The following PIP5K1C variants were observed in gnomAD, a reference collection of about 807,000 sequenced individuals.
PIP5K1C encodes the protein phosphatidylinositol 4-phosphate 5-kinase type-1 gamma.
A neutral mutation model predicts 80.1 loss-of-function variants in PIP5K1C; 45 were observed. That is an observed-to-expected ratio of 0.56 (90% CI 0.44 to 0.72). PIP5K1C has a LOEUF of 0.72. Ranked by LOEUF, PIP5K1C falls within the 30% of genes least tolerant of loss-of-function variation. PIP5K1C has a pLI of 0.00. For synonymous variants in PIP5K1C, 498 were observed against 420.1 expected (o/e 1.19, Z -2.27); for missense variants, 753 against 954.6 (o/e 0.79, Z 2.78).
At chr19:3,683,882 CTCCCCCACACTGGAGCCCCTGCTTCCCCT>C (rs2035668642) in intron 1 of PIP5K1C, among the ~76,000 whole-genome samples, 1 of 148,814 alleles carries the variant, frequency 6.7e-6, no homozygotes, top group Non-Finnish European at 1.5e-5. Context: ...AGTCCCACAC[CTCCCCCACACTGGAGCCCCTGCTTCCCCT>C]CCCGGGCAGT....
intron 14 of PIP5K1C, 142 bp downstream of exon 14, chr19:3,642,765 C>G: frequency 1.3e-6 from 1 of 749,010 alleles, no homozygotes; most frequent in Non-Finnish European, 2.4e-6. Flanking sequence ...GTGTGCGGTG[C>G]TAGGGCCGAG....
chr19:3,676,613 C>G (rs1180528117), intron 1 of PIP5K1C, among the ~76,000 whole-genome samples: 1 of 152,224 alleles, frequency 6.6e-6, no homozygotes, highest in Non-Finnish European at 1.5e-5. Context: ...CAGCTGCCAC[C>G]TAATTCATGA....
intron 6 of PIP5K1C, 146 bp from the exon 7 acceptor site, chr19:3,653,735 T>C (rs894602729): frequency 1.4e-6 from 1 of 714,992 alleles, no homozygotes. Flanking sequence ...ACCCCGTTCC[T>C]ATGCAGGCAC....
At position 3,648,668 on chromosome 19, in the gene PIP5K1C, G is replaced by A. The variant is rs1342313773; in HGVS notation, c.1168C>T (p.Leu390=). Residue 390 remains leucine, a synonymous_variant, in exon 9 of 18, where the codon CTG becomes TTG. Coordinates refer to ENST00000335312, the MANE Select transcript of PIP5K1C (RefSeq NM_012398.3). The surrounding 1 kb of genome is among the most constrained non-coding windows in gnomAD (Gnocchi z 4.3). ...TCGATGATGCCAATGTGCAGCAGCA[G>A]CCGCTCCCCGCGGCCGTTCACAGCG... ...IPAVNGRGER[L]LLHIGIIDIL... 5 of 1,613,036 alleles carry A rather than the reference G, an allele frequency of 3.1e-6. No individual in the cohort carries two copies. The highest frequency in any genetic ancestry group is 4.2e-6 in the Non-Finnish European group (5 of 1,179,918).
rs369769347 is a variant in PIP5K1C at position 3,682,458 on chromosome 19, T to C, written c.95-15105A>G. 5.9e-5 allele frequency among the ~76,000 whole-genome samples: 9 copies of C among 151,296 alleles called. No individual in the cohort carries two copies. In the South Asian group the frequency reaches 8.4e-4, roughly 14 times the overall value. ...ACACTTGGAGGCCGAGGTGGGAGGA[T>C]TGCTTGAGCCCAGGAATTCCAGACC... On this transcript the variant is annotated intron_variant, in intron 1 of 17. Coordinates refer to ENST00000335312, the MANE Select transcript of PIP5K1C (RefSeq NM_012398.3).
At chr19:3,640,712 A>G (rs1429011508) in intron 15 of PIP5K1C, among the ~76,000 whole-genome samples, 1 of 149,668 alleles carries the variant, frequency 6.7e-6, no homozygotes, top group Non-Finnish European at 1.5e-5. Context: ...TTTTAGGTGG[A>G]GTCTTGCTCT....
At chr19:3,642,776 T>A in intron 14 of PIP5K1C, 131 bp downstream of exon 14, 2 of 783,902 alleles carry the variant, frequency 2.6e-6, no homozygotes, top group Non-Finnish European at 4.5e-6. Context: ...TAGGGCCGAG[T>A]GCTACAATCT....
rs774532518 is a variant in PIP5K1C, at chr19:3,641,737, C to T, written c.1755G>A (p.Val585=). The T allele has an allele frequency of 5.2e-5, 83 of 1,610,660 alleles. No individual in the cohort carries two copies. The highest frequency in any genetic ancestry group is 8.8e-5 in the South Asian group (8 of 91,086). ...CCTCCTCTTTGGGGACCACAATCTC[C>T]ACGCTGCACGCAGGCTCCACCTGCA... The part of the protein sequence containing the change: ...ITVQVEPACS[V]EIVVPKEEDA... Residue 585 remains valine (V), a synonymous_variant, in exon 15 of 18, where the codon GTG becomes GTA. Transcript: ENST00000335312.
rs2034341458 is a variant in PIP5K1C at position 3,648,807 on chromosome 19, T to C, written c.1128-99A>G. ...CAGGGCTAGGGAGTCCATCTGCTCC[T>C]GTGGGTGGCAACTTGGCCAAGCTCT... On this transcript the variant is annotated intron_variant, in intron 8 of 17. Coordinates refer to ENST00000335312, the MANE Select transcript of PIP5K1C (RefSeq NM_012398.3). This position sits in a 1 kb window ranked among gnomAD's most constrained non-coding sequence, Gnocchi z 4.3. 9.9e-7 allele frequency: 1 copy of C among 1,009,822 alleles called. No individual in the cohort carries two copies. The highest frequency in any genetic ancestry group is 1.3e-5 in the South Asian group (1 of 75,460). 62.6% of individuals were successfully genotyped at this position (1,009,822 alleles called of 1,614,324 possible). A position where few individuals can be genotyped will look rare whatever the true frequency, so the allele number is the denominator to read the frequency against.
In PIP5K1C at chr19:3,661,373, G is replaced by A. The variant is rs559451426; in HGVS notation, c.351-290C>T. Among the ~76,000 whole-genome samples the A allele has an allele frequency of 6.6e-5, 10 of 152,354 alleles. No homozygotes were observed. The South Asian group carries it at 1.9e-3, about 28-fold the overall frequency. On this transcript the variant is annotated intron_variant, in intron 4 of 17. Transcript: ENST00000335312. ...GCCTCTTGCAGCTAGGTGTGCTCAC[G>A]TGACTGCACTCAGCCAATGACACGA...
chr19:3,678,020 GA>G (rs1470067637), intron 1 of PIP5K1C, among the ~76,000 whole-genome samples: 2 of 95,320 alleles, frequency 2.1e-5, no homozygotes, highest in Non-Finnish European at 4.5e-5. Context: ...GAGGGATGGA[GA>G]GACGGAGGGA....
chr19:3,643,192 C>CCCACGCACAGCGGATG (rs773077124), intron 13 of PIP5K1C, 51 bp downstream of exon 13: 65 of 1,608,430 alleles, frequency 4.0e-5, no homozygotes, highest in Non-Finnish European at 5.4e-5. Context: ...ATGCCCCGCC[C>CCCACGCACAGCGGATG]CCACGCACAG....
At position 3,661,900 on chromosome 19, in the gene PIP5K1C, G is replaced by A; in HGVS notation, c.321C>T (p.Phe107=). 2 of 1,612,878 alleles carry A rather than the reference G, an allele frequency of 1.2e-6. No individual in the cohort carries two copies. Among genetic ancestry groups the A allele is most frequent in the Middle Eastern group, 1.6e-4 (1 of 6,062 alleles). Residue 107 remains phenylalanine, a synonymous_variant, in exon 4 of 18, where the codon TTC becomes TTT. Transcript: ENST00000335312. ...GGAAGAAGATGCTCTCCACCACGTA[G>A]AAGTCCTGCATGAGCACGTCGCGTT... is the stretch of plus-strand genomic sequence containing the variant. ...KPERDVLMQD[F]YVVESIFFPS... is the part of the protein sequence containing the mutation.
chr19:3,661,121 G>C (rs746197808), intron 4 of PIP5K1C, 38 bp from the exon 5 acceptor site: 1 of 1,389,170 alleles, frequency 7.2e-7, no homozygotes, highest in Non-Finnish European at 1.0e-6. Context: ...GTGAGGGGTG[G>C]TGGGCACCTC....
chr19:3,648,932 G>C lies in PIP5K1C; in HGVS notation c.1128-224C>G, dbSNP rs1320979388. Among the ~76,000 whole-genome samples, 2 of 152,104 alleles carry C rather than the reference G, an allele frequency of 1.3e-5. No individual in the cohort carries two copies. Among genetic ancestry groups the C allele is most frequent in the Admixed American group, 6.5e-5 (1 of 15,278 alleles). Reference sequence around the variant, plus strand: ...GGCACTGCTGAGGAGTCCCAGCTAGGAGGCCTGGGCACATACCCCCTACAC... The same window carrying C: ...GGCACTGCTGAGGAGTCCCAGCTAGCAGGCCTGGGCACATACCCCCTACAC... On this transcript the variant is annotated intron_variant, in intron 8 of 17. Transcript: ENST00000335312. This position sits in a 1 kb window ranked among gnomAD's most constrained non-coding sequence, Gnocchi z 4.3.
chr19:3,639,262 G>A (rs367930019), intron 15 of PIP5K1C, among the ~76,000 whole-genome samples: 1 of 152,134 alleles, frequency 6.6e-6, no homozygotes, highest in Admixed American at 6.6e-5. Context: ...CTGACAGCTC[G>A]GCCCTGCCAC....
intron 16 of PIP5K1C, chr19:3,636,611 G>A (rs1238892057): frequency 1.9e-5 from 19 of 985,504 alleles, no homozygotes; most frequent in African/African-American, 3.5e-5. Flanking sequence ...TCCGGGGCAC[G>A]GCTTCGCGGT....
intron 15 of PIP5K1C, among the ~76,000 whole-genome samples, chr19:3,640,312 G>A (rs1028582237): frequency 2.6e-5 from 4 of 152,082 alleles, no homozygotes; most frequent in African/African-American, 9.7e-5. Flanking sequence ...TCAGGAGTTC[G>A]AGACCAGCCT....
chr19:3,695,776 T>C (rs140540907), intron 1 of PIP5K1C, among the ~76,000 whole-genome samples: 1 of 149,308 alleles, frequency 6.7e-6, no homozygotes, highest in Non-Finnish European at 1.5e-5. Flanking sequence ...CACCCAGGCA[T>C]GCAGTGGCAC....
Sources: gnomAD v4.1 joint callset for allele counts (sites outside exome capture counted in the v4.1 genomes callset) on GRCh38, gnomAD v4.1.1 for gene constraint, Gnocchi (gnomAD v3.1) non-coding constraint, MANE v1.5 for transcripts, NCBI Gene and HGNC (gene_info 2026-07-23, HGNC 2026-07-21) for gene names.